Variants in UBE2E2 observed in about 807,000 individuals in gnomAD.
UBE2E2 encodes ubiquitin conjugating enzyme E2 E2.
In UBE2E2, 6 loss-of-function variants were observed where a neutral mutation model predicts 24.7. That is an observed-to-expected ratio of 0.24 (90% CI 0.13 to 0.48). The LOEUF (loss-of-function observed/expected upper bound fraction) is 0.48, where lower values mean the gene tolerates loss of function less well. Ranked by LOEUF, UBE2E2 falls within the 20% of genes least tolerant of loss-of-function variation. UBE2E2 has a pLI of 0.99. For synonymous variants in UBE2E2, 104 were observed against 83.6 expected, an observed-to-expected ratio of 1.24 and a Z score of -1.33; for missense variants, 169 against 245.0, an observed-to-expected ratio of 0.69 and a Z score of 2.07.
intron 5 of UBE2E2, among the ~76,000 whole-genome samples, chr3:23,554,722 A>G (rs543413057): frequency 5.3e-5 from 8 of 152,234 alleles, no homozygotes; most frequent in South Asian, 2.1e-4. Flanking sequence ...AAATAAATAA[A>G]TGTAACTACA....
intron 3 of UBE2E2, among the ~76,000 whole-genome samples, chr3:23,298,068 T>C (rs1190167293): frequency 3.9e-5 from 6 of 151,948 alleles, no homozygotes; most frequent in African/African-American, 1.4e-4. Context: ...GGGAGTTCAC[T>C]TATGATTTGG....
chr3:23,421,218 T>A (rs1383938961), intron 3 of UBE2E2, among the ~76,000 whole-genome samples: 2 of 152,356 alleles, frequency 1.3e-5, no homozygotes, highest in Non-Finnish European at 2.9e-5. Context: ...TTTTAGTGCA[T>A]CTTTGCAGTA....
intron 2 of UBE2E2, among the ~76,000 whole-genome samples, chr3:23,209,132 CAT>C (rs1176253498): frequency 6.6e-6 from 1 of 152,148 alleles, no homozygotes; most frequent in Non-Finnish European, 1.5e-5. Context: ...ATCAGGGAAA[CAT>C]ATACAGGGTG....
chr3:23,506,532 C>G (rs1359426510), intron 4 of UBE2E2, among the ~76,000 whole-genome samples: 1 of 152,214 alleles, frequency 6.6e-6, no homozygotes, highest in Non-Finnish European at 1.5e-5. Context: ...CACCATCTTT[C>G]CCTAGAAACT....
At chr3:23,442,887 G>A (rs1350687207) in intron 3 of UBE2E2, among the ~76,000 whole-genome samples, 1 of 152,098 alleles carries the variant, frequency 6.6e-6, no homozygotes, top group Non-Finnish European at 1.5e-5. Flanking sequence ...TTTGTTTGCA[G>A]TATGTATTAT....
At chr3:23,249,203 C>T (rs945071204) in intron 3 of UBE2E2, among the ~76,000 whole-genome samples, 3 of 149,714 alleles carry the variant, frequency 2.0e-5, no homozygotes, top group East Asian at 2.0e-4. Context: ...GCCTGGGAGG[C>T]GGAAGTTTCA....
intron 5 of UBE2E2, among the ~76,000 whole-genome samples, chr3:23,539,283 T>C (rs1257935586): frequency 2.6e-5 from 4 of 152,232 alleles, no homozygotes. Context: ...TTTATTCTTT[T>C]TTGATAGATT....
At chr3:23,427,053 T>C (rs1405773768) in intron 3 of UBE2E2, among the ~76,000 whole-genome samples, 1 of 152,136 alleles carries the variant, frequency 6.6e-6, no homozygotes, top group Non-Finnish European at 1.5e-5. Context: ...ATTTGAAATA[T>C]ATTTATTTGA....
intron 4 of UBE2E2, among the ~76,000 whole-genome samples, chr3:23,512,795 A>T (rs1400530107): frequency 6.6e-6 from 1 of 152,114 alleles, no homozygotes; most frequent in African/African-American, 2.4e-5. Context: ...AAATACAAAA[A>T]TTAGCCAGGC....
chr3:23,382,909 C>A (rs1696712251), intron 3 of UBE2E2, among the ~76,000 whole-genome samples: 1 of 150,902 alleles, frequency 6.6e-6, no homozygotes, highest in Non-Finnish European at 1.5e-5. Flanking sequence ...TTTTTTTGTA[C>A]CAAGGAGGTA....
At chr3:23,408,788 G>A (rs999877937) in intron 3 of UBE2E2, among the ~76,000 whole-genome samples, 22 of 151,978 alleles carry the variant, frequency 1.4e-4, no homozygotes, top group African/African-American at 5.1e-4. Context: ...GTTTCTTTTG[G>A]GAGTATACTT....
intron 3 of UBE2E2, among the ~76,000 whole-genome samples, chr3:23,218,218 T>C (rs1417993138): frequency 6.6e-6 from 1 of 152,178 alleles, no homozygotes; most frequent in Non-Finnish European, 1.5e-5. Context: ...ATAACAATTT[T>C]GTGTAGGAAA....
At chr3:23,237,938 A>T (rs970857497) in intron 3 of UBE2E2, among the ~76,000 whole-genome samples, 1 of 151,426 alleles carries the variant, frequency 6.6e-6, no homozygotes, top group African/African-American at 2.4e-5. Flanking sequence ...TTGAGGGGAA[A>T]TTTTTTTTTA....
At position 23,499,720 on chromosome 3, in the gene UBE2E2, T is replaced by A; in HGVS notation, c.340T>A (p.Tyr114Asn). ...FFLDITFSPDYPFKPPKVTFR... is the reference protein window; with the variant it reads ...FFLDITFSPDNPFKPPKVTFR... ...TCTTGACATTACCTTTTCACCAGAC[T>A]ATCCGTTTAAACCCCCTAAGGTCAG... is the stretch of plus-strand genomic sequence containing the variant. Residue 114 changes from tyrosine to asparagine, a missense_variant, in exon 4 of 6, where the codon TAT (tyrosine) becomes AAT (asparagine). Tyr to Asn is a moderately radical substitution (Grantham distance 143). Transcript: ENST00000396703. The A allele has an allele frequency of 6.2e-7, 1 of 1,613,924 alleles. No homozygotes were observed. Among genetic ancestry groups the A allele is most frequent in the Non-Finnish European group, 8.5e-7 (1 of 1,179,902 alleles).
chr3:23,447,181 T>C (rs1424650693), intron 3 of UBE2E2, among the ~76,000 whole-genome samples: 4 of 152,190 alleles, frequency 2.6e-5, no homozygotes, highest in Non-Finnish European at 5.9e-5. Flanking sequence ...CCAGTCTCTA[T>C]GTAAGTTCCC....
chr3:23,223,475 G>C (rs1236414769), intron 3 of UBE2E2, among the ~76,000 whole-genome samples: 2 of 152,166 alleles, frequency 1.3e-5, no homozygotes, highest in Non-Finnish European at 2.9e-5. Context: ...TTACAGGCGT[G>C]AGCTGCGCTT....
intron 3 of UBE2E2, among the ~76,000 whole-genome samples, chr3:23,238,219 T>C (rs557411155): frequency 3.9e-5 from 6 of 152,180 alleles, no homozygotes; most frequent in Non-Finnish European, 7.3e-5. Flanking sequence ...TCTAGTAGTC[T>C]TGTTCATTTA....
At chr3:23,242,767 T>C (rs1697290518) in intron 3 of UBE2E2, among the ~76,000 whole-genome samples, 1 of 152,174 alleles carries the variant, frequency 6.6e-6, no homozygotes, top group Admixed American at 6.5e-5. Context: ...AAATTTCTTA[T>C]AACATGCCAT....
intron 3 of UBE2E2, among the ~76,000 whole-genome samples, chr3:23,355,712 C>A (rs181083440): frequency 6.6e-6 from 1 of 152,140 alleles, no homozygotes; most frequent in Non-Finnish European, 1.5e-5. Flanking sequence ...TCACAGTCTC[C>A]GTAGATACTA....
Sources: allele counts gnomAD v4.1 joint callset (sites outside exome capture counted in the v4.1 genomes callset), GRCh38; gene constraint gnomAD v4.1.1; transcripts MANE v1.5; gene names NCBI Gene and HGNC (gene_info 2026-07-23, HGNC 2026-07-21).